ESR1: variants seen among roughly 807,000 people sequenced by gnomAD.
ESR1 encodes estrogen receptor.
Under a neutral mutation model 52.7 loss-of-function variants are expected in ESR1, and 12 were observed. The ratio of observed to expected loss-of-function variants is 0.23; its 90% confidence interval spans 0.15 to 0.37. The LOEUF is 0.37. Ranked by LOEUF, ESR1 falls within the 10% of genes least tolerant of loss-of-function variation. The pLI, the probability that ESR1 is intolerant of heterozygous loss-of-function variation, is 1.00. For missense variants in ESR1, 584 were observed against 779.7 expected (o/e 0.75, Z 2.99); for synonymous variants, 305 against 316.8 (o/e 0.96, Z 0.39).
chr6:151,734,767 C>A (rs768335878), intron 2 of ESR1, among the ~76,000 whole-genome samples: 13 of 151,984 alleles, frequency 8.6e-5, no homozygotes, highest in Non-Finnish European at 1.5e-4. Context: ...GGATTACAGG[C>A]TTGAACCACC....
intron 2 of ESR1, among the ~76,000 whole-genome samples, chr6:151,845,878 C>T (rs1009698662): frequency 1.3e-5 from 2 of 152,130 alleles, no homozygotes; most frequent in Non-Finnish European, 2.9e-5. Context: ...ACTAGCTTTA[C>T]TAACAAAGCC....
chr6:151,897,871 T>A (rs1023784908), intron 3 of ESR1, among the ~76,000 whole-genome samples: 139 of 152,200 alleles, frequency 9.1e-4, no homozygotes, highest in African/African-American at 3.3e-3. Context: ...GTTCGTGTAG[T>A]CATGTAGTGC....
chr6:151,969,461 A>ATGTG (rs140607624), intron 4 of ESR1, among the ~76,000 whole-genome samples: 1 of 151,402 alleles, frequency 6.6e-6, no homozygotes, highest in Non-Finnish European at 1.5e-5. Context: ...TTTTGAGGGA[A>ATGTG]TGTGTGTGTG....
At chr6:152,060,193 A>G (rs2047439620) in intron 5 of ESR1, among the ~76,000 whole-genome samples, 1 of 152,194 alleles carries the variant, frequency 6.6e-6, no homozygotes, top group South Asian at 2.1e-4. Flanking sequence ...TGGTTTGCTT[A>G]TTTAATAGTT....
chr6:151,792,102 C>T (rs752924092), intron 2 of ESR1, among the ~76,000 whole-genome samples: 27 of 152,168 alleles, frequency 1.8e-4, no homozygotes, highest in Non-Finnish European at 3.1e-4. Context: ...ATGTTACTGT[C>T]CTGAATACTG....
At chr6:151,804,849 C>T (rs1182146938), upstream of ESR1, 1 of 152,142 alleles carries the variant, frequency 6.6e-6, no homozygotes, top group Non-Finnish European at 1.5e-5. Flanking sequence ...TCTAGGAGCA[C>T]CTCAGTATTG....
intron 1 of ESR1, among the ~76,000 whole-genome samples, chr6:151,667,693 C>T (rs975640402): frequency 6.6e-6 from 1 of 152,122 alleles, no homozygotes; most frequent in Non-Finnish European, 1.5e-5. Context: ...TAGTCCCAGT[C>T]CTTGTTTGCA....
intron 6 of ESR1, among the ~76,000 whole-genome samples, chr6:152,109,993 C>T (rs1002035940): frequency 6.6e-6 from 1 of 152,202 alleles, no homozygotes; most frequent in African/African-American, 2.4e-5. Context: ...TTCATACACA[C>T]AAAAGCTACG....
At chr6:151,764,715 C>T (rs779027381) in intron 2 of ESR1, among the ~76,000 whole-genome samples, 4 of 152,180 alleles carry the variant, frequency 2.6e-5, no homozygotes. Context: ...CTATCAGTCA[C>T]AATGATGATC....
chr6:152,109,503 CAA>C (rs1337555455), intron 6 of ESR1, among the ~76,000 whole-genome samples: 5 of 137,834 alleles, frequency 3.6e-5, no homozygotes, highest in Admixed American at 2.2e-4. Context: ...CCGTCTCTAC[CAA>C]AAAAAAAAAA....
intron 2 of ESR1, among the ~76,000 whole-genome samples, chr6:151,847,724 TGCA>T (rs1785391684): frequency 7.8e-6 from 1 of 128,984 alleles, no homozygotes; most frequent in Admixed American, 8.0e-5. Flanking sequence ...TCTTTTGCTG[TGCA>T]GAAGCTCTTT....
intron 2 of ESR1, among the ~76,000 whole-genome samples, chr6:151,736,714 C>T (rs1055834234): frequency 6.6e-6 from 1 of 152,084 alleles, no homozygotes; most frequent in African/African-American, 2.4e-5. Flanking sequence ...TCCATTAATT[C>T]ATGGAATTCA....
chr6:151,934,975 T>C (rs768183840), intron 3 of ESR1, among the ~76,000 whole-genome samples: 2 of 152,194 alleles, frequency 1.3e-5, no homozygotes, highest in Non-Finnish European at 2.9e-5. Flanking sequence ...TTTCTACAGA[T>C]TGTGCCAGTC....
chr6:152,103,921 T>C (rs556752816), downstream of ESR1, among the ~76,000 whole-genome samples: 2 of 150,928 alleles, frequency 1.3e-5, no homozygotes, highest in East Asian at 2.0e-4. Context: ...CTTACTGAGA[T>C]GCAACATAAT....
intron 6 of ESR1, chr6:152,112,768 C>T (rs960747608): frequency 2.0e-5 from 3 of 152,380 alleles, no homozygotes; most frequent in African/African-American, 7.2e-5. Context: ...AGGAAACGAA[C>T]AAGGGAAACT....
intron 5 of ESR1, among the ~76,000 whole-genome samples, chr6:152,028,126 A>C (rs892990751): frequency 9.2e-5 from 14 of 152,202 alleles, no homozygotes; most frequent in African/African-American, 3.4e-4. Flanking sequence ...CCTTGGCGAC[A>C]GAGTGAGACT....
chr6:151,983,611 T>A (rs932478), intron 4 of ESR1: 7 of 152,128 alleles, frequency 4.6e-5, no homozygotes, highest in South Asian at 2.1e-4. Flanking sequence ...AAAGCTTTTT[T>A]AAAAAATAAA....
intron 1 of ESR1, among the ~76,000 whole-genome samples, chr6:151,822,090 C>T (rs908185108): frequency 6.6e-6 from 1 of 151,840 alleles, no homozygotes; most frequent in Non-Finnish European, 1.5e-5. Flanking sequence ...CATTTTTTCA[C>T]TTTGATTTTT....
intron 5 of ESR1, among the ~76,000 whole-genome samples, chr6:152,022,604 G>T (rs1197801547): frequency 2.0e-5 from 3 of 152,138 alleles, no homozygotes; most frequent in Non-Finnish European, 4.4e-5. Context: ...AAGAGTCCCA[G>T]CCTGGGGTTA....
Sources: gnomAD v4.1 joint callset for allele counts (sites outside exome capture counted in the v4.1 genomes callset) on GRCh38, gnomAD v4.1.1 for gene constraint, MANE v1.5 for transcripts, NCBI Gene and HGNC (gene_info 2026-07-23, HGNC 2026-07-21) for gene names.